The following SF3B2 variants were observed in gnomAD, a reference collection of about 807,000 sequenced individuals.
The protein encoded by SF3B2 is SAP 145.
Under a neutral mutation model 116.3 loss-of-function variants are expected in SF3B2, and 22 were observed. The observed-to-expected ratio is 0.19, with a 90% CI of 0.14 to 0.27. The LOEUF (loss-of-function observed/expected upper bound fraction) is 0.27. SF3B2 is among the 10% of genes least tolerant of loss of function. SF3B2 has a pLI of 1.00. For missense variants in SF3B2, 767 were observed against 1,151.4 expected (o/e 0.67, Z 4.83); for synonymous variants, 406 against 421.6 (o/e 0.96, Z 0.45).
In SF3B2 at chr11:66,061,675, T is replaced by C. The variant is rs749452739; in HGVS notation, c.1780-11T>C. 2 of 1,608,310 alleles carry C rather than the reference T, an allele frequency of 1.2e-6. No individual in the cohort carries two copies. The highest frequency in any genetic ancestry group is 4.5e-5 in the East Asian group (2 of 44,862). On this transcript the variant is annotated splice_polypyrimidine_tract_variant and intron_variant, in intron 14 of 21. Coordinates refer to ENST00000322535, the MANE Select transcript of SF3B2 (RefSeq NM_006842.3). Reference sequence around the variant, plus strand: ...GGGTCTACAATGTAGCATGCTCTGCTTTTCCCTCAGGGGAAGGAGTTCGAG... The same window carrying C: ...GGGTCTACAATGTAGCATGCTCTGCCTTTCCCTCAGGGGAAGGAGTTCGAG...
At position 66,058,382 on chromosome 11, in the gene SF3B2, A is replaced by G; in HGVS notation, c.943A>G (p.Thr315Ala). ...GQSASETEED[T>A]VSVSKKEKNR... ...GTCAGCGTCAGAGACTGAGGAGGAC[A>G]CAGTGTCCGTATCTAAAAAGGAGGT... Residue 315 changes from threonine (T) to alanine (A), a missense_variant, in exon 9 of 22, where the codon ACA becomes GCA. This residue lies in a region of SF3B2 where 455 missense variants were observed against 537.5 expected (regional missense o/e 0.85). Coordinates refer to ENST00000322535, the MANE Select transcript of SF3B2 (RefSeq NM_006842.3). 6.2e-7 allele frequency: 1 copy of G among 1,614,018 alleles called. No individual in the cohort carries two copies.
In SF3B2 at chr11:66,055,261, G is replaced by A; in HGVS notation, c.444G>A (p.Lys148=). The A allele has an allele frequency of 6.2e-7, 1 of 1,613,972 alleles. No individual in the cohort carries two copies. Among genetic ancestry groups the A allele is most frequent in the African/African-American group, 1.3e-5 (1 of 75,066 alleles). ...PVALSEEERL[K]LAQQQAALLM... ...CACTGTCAGAGGAGGAGCGGCTGAAGTTGGCTCAGCAGCAGGCGGCATTGC... is the reference window on the plus strand; with the variant it reads ...CACTGTCAGAGGAGGAGCGGCTGAAATTGGCTCAGCAGCAGGCGGCATTGC... Residue 148 remains lysine, a synonymous_variant, in exon 4 of 22, where the codon AAG becomes AAA. Transcript: ENST00000322535.
intron 16 of SF3B2, 30 bp downstream of exon 16, chr11:66,062,028 C>T: frequency 6.5e-7 from 1 of 1,529,848 alleles, no homozygotes; most frequent in Non-Finnish European, 9.0e-7. Context: ...TCATTCTTGG[C>T]CATTTCTGCT....
chr11:66,063,187 C>T (rs1857125760), intron 17 of SF3B2, 71 bp downstream of exon 17: 1 of 1,230,408 alleles, frequency 8.1e-7, no homozygotes, highest in East Asian at 2.3e-5. Context: ...TTTATAGCTT[C>T]ATTATCAGGG....
chr11:66,067,602 G>C (rs374158816), intron 19 of SF3B2: 3 of 471,564 alleles, frequency 6.4e-6, no homozygotes, highest in South Asian at 4.6e-5. Context: ...GGGAACTGTT[G>C]TCGCCTGCTC....
rs977735380 is a variant in SF3B2 at position 66,061,788 on chromosome 11, T to TA, written c.1869+14dup. The TA allele has an allele frequency of 3.2e-5, 51 of 1,612,308 alleles. No individual in the cohort carries two copies. The highest frequency in any genetic ancestry group is 4.3e-5 in the Non-Finnish European group (51 of 1,178,308). ...GCCAGTAGGACCAGTGAGTGTCAGT[T>TA]AGCTGTCTGGGGAAGCAGCGAAGAG... On this transcript the variant is annotated intron_variant, in intron 15 of 21. Transcript: ENST00000322535.
At chr11:66,063,278 T>G (rs1017959153) in intron 17 of SF3B2, 122 bp from the exon 18 acceptor site, 1 of 1,103,126 alleles carries the variant, frequency 9.1e-7, no homozygotes, top group African/African-American at 1.6e-5. Context: ...TCACTAGAAT[T>G]TGAGCTCTAG....
At chr11:66,055,855 T>C in intron 5 of SF3B2, 1 of 476,480 alleles carries the variant, frequency 2.1e-6, no homozygotes, top group Non-Finnish European at 3.7e-6. Flanking sequence ...TGTACCAGAG[T>C]CTGTACAGCA....
intron 16 of SF3B2, among the ~76,000 whole-genome samples, chr11:66,062,200 C>T (rs1476005325): frequency 6.6e-6 from 1 of 152,074 alleles, no homozygotes; most frequent in African/African-American, 2.4e-5. Flanking sequence ...CTGACATGCT[C>T]ATCATAAAAT....
chr11:66,053,062 G>A lies in SF3B2; in HGVS notation c.216G>A (p.Gly72=). 1.2e-6 allele frequency: 2 copies of A among 1,614,114 alleles called. No homozygotes were observed. The highest frequency in any genetic ancestry group is 1.7e-6 in the Non-Finnish European group (2 of 1,180,014). ...GIVLNRPVLR[G]EDGDKAAPPP... The stretch of plus-strand genomic sequence containing the variant: ...TGCTGAATCGGCCGGTTTTGAGAGG[G>A]GAAGATGGGGACAAAGCCGCTCCAC... Residue 72 remains glycine (G), a synonymous_variant, in exon 3 of 22, where the codon GGG becomes GGA. Transcript: ENST00000322535.
intron 6 of SF3B2, 91 bp downstream of exon 6, chr11:66,057,046 CATATATAGTAA>C: frequency 1.0e-6 from 1 of 961,990 alleles, no homozygotes; most frequent in Non-Finnish European, 1.7e-6. Flanking sequence ...TTAAAAAGGG[CATATATAGTAA>C]ATATATAGTT....
chr11:66,063,038 C>T lies in SF3B2; in HGVS notation c.2007C>T (p.Gly669=), dbSNP rs1195330828. The change falls in exon 17 of 22, where the codon GGC becomes GGT. Residue 669 remains glycine (G), a synonymous_variant. Transcript: ENST00000322535. ...GTTCCTTTGGGTACCATGCTGGTGG[C>T]TGGGGCAAACCTCCAGTGGATGAGA... ...ESCSFGYHAG[G]WGKPPVDETG... is the part of the protein sequence containing the mutation. 1 of 1,613,842 alleles carries T rather than the reference C, an allele frequency of 6.2e-7. No individual in the cohort carries two copies. Among genetic ancestry groups the T allele is most frequent in the Non-Finnish European group, 8.5e-7 (1 of 1,179,910 alleles).
Position 66,062,011 on chromosome 11 carries a change from C to T in SF3B2, c.1977+13C>T. Reference sequence around the variant, plus strand: ...GCCCATCCCTGAGGTGAGCATTGTCCTTTCGTTCATTCTTGGCCATTTCTG... The same window carrying T: ...GCCCATCCCTGAGGTGAGCATTGTCTTTTCGTTCATTCTTGGCCATTTCTG... On this transcript the variant is annotated intron_variant, in intron 16 of 21. Coordinates refer to ENST00000322535, the MANE Select transcript of SF3B2 (RefSeq NM_006842.3). The T allele has an allele frequency of 6.3e-7, 1 of 1,590,976 alleles. No individual in the cohort carries two copies. Among genetic ancestry groups the T allele is most frequent in the Non-Finnish European group, 8.6e-7 (1 of 1,165,320 alleles).
chr11:66,057,334 C>T lies in SF3B2; in HGVS notation c.736C>T (p.Pro246Ser). 1 of 1,590,828 alleles carries T rather than the reference C, an allele frequency of 6.3e-7. No individual in the cohort carries two copies. Among genetic ancestry groups the T allele is most frequent in the Non-Finnish European group, 8.6e-7 (1 of 1,158,664 alleles). ...GCCCATGGGAGCCCCTGTTCCCCGGCCTCGTGGTCCCCCACCGCCCCCTGG... is the reference window on the plus strand; with the variant it reads ...GCCCATGGGAGCCCCTGTTCCCCGGTCTCGTGGTCCCCCACCGCCCCCTGG... ...VLPMGAPVPR[P>S]RGPPPPPGDE... Residue 246 changes from proline to serine, a missense_variant, in exon 7 of 22, where the codon CCT (proline) becomes TCT (serine). Transcript: ENST00000322535.
rs375757595 is a variant in SF3B2 at position 66,052,635 on chromosome 11, G to C, written c.134-38G>C. On this transcript the variant is annotated intron_variant, in intron 1 of 21. Transcript: ENST00000322535. ...GGCCGCTGGGGCCTGACCTGGCCGG[G>C]CTGGCCTGCCCCATTGATCGTGTAC... is the stretch of plus-strand genomic sequence containing the variant. 3.8e-6 allele frequency: 6 copies of C among 1,595,288 alleles called. No homozygotes were observed. The East Asian group carries it at 1.3e-4, about 36-fold the overall frequency.
intron 21 of SF3B2, 25 bp downstream of exon 21, chr11:66,068,358 C>T: frequency 6.4e-7 from 1 of 1,558,272 alleles, no homozygotes; most frequent in Non-Finnish European, 8.7e-7. Flanking sequence ...GGGCGCTGGG[C>T]TGGGTGAGAG....
At position 66,055,166 on chromosome 11, in the gene SF3B2, C is replaced by T; in HGVS notation, c.349C>T (p.Leu117Phe). ...CCCACCACCTCCACCAGGCCTTGGCCTTGGCTTTCCTATGGCCCACCCACC... is the reference window on the plus strand; with the variant it reads ...CCCACCACCTCCACCAGGCCTTGGCTTTGGCTTTCCTATGGCCCACCCACC... ...PPPPPPPGLG[L>F]GFPMAHPPNL... The change falls in exon 4 of 22, where the codon CTT becomes TTT. Residue 117 changes from leucine (L) to phenylalanine (F), a missense_variant. Leu to Phe is a conservative substitution (Grantham distance 22, BLOSUM62 0). This residue lies in a region of SF3B2 where 455 missense variants were observed against 537.5 expected (regional missense o/e 0.85). Coordinates refer to ENST00000322535, the MANE Select transcript of SF3B2 (RefSeq NM_006842.3). 2 of 1,608,974 alleles carry T rather than the reference C, an allele frequency of 1.2e-6. No homozygotes were observed. Among genetic ancestry groups the T allele is most frequent in the South Asian group, 2.2e-5 (2 of 90,680 alleles).
intron 14 of SF3B2, among the ~76,000 whole-genome samples, chr11:66,061,214 G>T (rs1857095738): frequency 6.6e-6 from 1 of 152,212 alleles, no homozygotes; most frequent in African/African-American, 2.4e-5. Context: ...TGCAGATCTG[G>T]TGGCTTCTTT....
intron 17 of SF3B2, 124 bp downstream of exon 17, chr11:66,063,240 A>G (rs1030205004): frequency 6.9e-6 from 7 of 1,008,640 alleles, no homozygotes; most frequent in Non-Finnish European, 7.3e-6. Flanking sequence ...AAGGGCATAC[A>G]TTTTCCTGAG....
Sources: gnomAD v4.1 joint callset for allele counts (sites outside exome capture counted in the v4.1 genomes callset) on GRCh38, gnomAD v4.1.1 for gene constraint, gnomAD v4.1.1 regional missense constraint, MANE v1.5 for transcripts, NCBI Gene and HGNC (gene_info 2026-07-23, HGNC 2026-07-21) for gene names.